GPR39: variants seen among roughly 807,000 people sequenced by gnomAD.
GPR39 encodes the protein G protein-coupled receptor 39, also known as zinc sensing receptor.
A neutral mutation model predicts 18.4 loss-of-function variants in GPR39; 23 were observed. The observed-to-expected ratio is 1.25, with a 90% CI of 0.90 to 1.77. The LOEUF is 1.77. Ranked by LOEUF, GPR39 falls within the 40% of genes most tolerant of loss-of-function variation. GPR39 has a pLI of 0.00. For synonymous variants in GPR39, 280 were observed against 257.9 expected (o/e 1.09, Z -0.82); for missense variants, 647 against 602.4 (o/e 1.07, Z -0.78).
rs114424798 is a variant in GPR39, at chr2:132,495,480, C to T, written c.856+77582C>T. On this transcript the variant is annotated intron_variant, in intron 1 of 1. Coordinates refer to ENST00000329321, the MANE Select transcript of GPR39 (RefSeq NM_001508.3). ...GTTGGACTCCTCTCTTGCTTGGCTG[C>T]TCGACTTGCCCTTACTGGCCGGGCT... 9.9e-3 allele frequency among the ~76,000 whole-genome samples: 1,515 copies of T among 152,290 alleles called. 30 individuals carry two copies. Among genetic ancestry groups the T allele is most frequent in the African/African-American group, 0.035 (1,443 of 41,548 alleles).
intron 1 of GPR39, among the ~76,000 whole-genome samples, chr2:132,643,017 T>G (rs962283836): frequency 3.3e-5 from 5 of 152,166 alleles, no homozygotes; most frequent in Admixed American, 2.0e-4. Flanking sequence ...TTAAGATGAA[T>G]TTGGAATAGC....
intron 1 of GPR39, among the ~76,000 whole-genome samples, chr2:132,520,706 T>C (rs1679410078): frequency 1.3e-5 from 2 of 151,722 alleles, no homozygotes; most frequent in Admixed American, 1.3e-4. Flanking sequence ...TTGAAGGGAG[T>C]GGGTAGAGGG....
chr2:132,637,842 C>G (rs1681791510), intron 1 of GPR39, among the ~76,000 whole-genome samples: 1 of 152,170 alleles, frequency 6.6e-6, no homozygotes, highest in Non-Finnish European at 1.5e-5. Flanking sequence ...CCCTCTCTGC[C>G]ACCTCCCTGT....
intron 1 of GPR39, among the ~76,000 whole-genome samples, chr2:132,521,628 G>C (rs924361916): frequency 3.9e-5 from 6 of 152,138 alleles, no homozygotes. Flanking sequence ...AGGTATCTCT[G>C]GTATTTGGCA....
At chr2:132,638,247 C>A (rs916620724) in intron 1 of GPR39, among the ~76,000 whole-genome samples, 2 of 152,226 alleles carry the variant, frequency 1.3e-5, no homozygotes, top group East Asian at 3.9e-4. Context: ...GAGTTTGGAG[C>A]TACCGTCTGC....
rs1022072212 is a variant in GPR39 at position 132,596,688 on chromosome 2, C to T, written c.857-48413C>T. Among the ~76,000 whole-genome samples, 5 of 152,292 alleles carry T rather than the reference C, an allele frequency of 3.3e-5. No homozygotes were observed. The South Asian group carries it at 8.3e-4, about 25-fold the overall frequency. Reference sequence around the variant, plus strand: ...TCATGTGGCCTCTACCTCTATTTTTCCACTGTCCCTTTGCCCAAATGCTTC... The same window carrying T: ...TCATGTGGCCTCTACCTCTATTTTTTCACTGTCCCTTTGCCCAAATGCTTC... On this transcript the variant is annotated intron_variant, in intron 1 of 1. Coordinates refer to ENST00000329321, the MANE Select transcript of GPR39 (RefSeq NM_001508.3).
chr2:132,614,222 A>G (rs1195311255), intron 1 of GPR39, among the ~76,000 whole-genome samples: 3 of 140,340 alleles, frequency 2.1e-5, no homozygotes, highest in South Asian at 2.3e-4. Flanking sequence ...TTTTGTTTTT[A>G]TTTTGACAGA....
intron 1 of GPR39, among the ~76,000 whole-genome samples, chr2:132,491,547 G>C (rs2104795607): frequency 6.6e-6 from 1 of 152,060 alleles, no homozygotes; most frequent in South Asian, 2.1e-4. Flanking sequence ...GGAGTGATTG[G>C]TGGCATGCAA....
chr2:132,569,126 A>G (rs1203256488), intron 1 of GPR39, among the ~76,000 whole-genome samples: 1 of 152,118 alleles, frequency 6.6e-6, no homozygotes, highest in Non-Finnish European at 1.5e-5. Flanking sequence ...GTAACTTCTT[A>G]GTAAGTGGCA....
chr2:132,426,907 G>A (rs956201668), intron 1 of GPR39, among the ~76,000 whole-genome samples: 6 of 152,018 alleles, frequency 3.9e-5, no homozygotes, highest in African/African-American at 1.4e-4. Context: ...ATGCAGAAAT[G>A]GGGGCAGGCC....
At chr2:132,592,307 G>A (rs188237396) in intron 1 of GPR39, among the ~76,000 whole-genome samples, 3 of 152,294 alleles carry the variant, frequency 2.0e-5, no homozygotes, top group Non-Finnish European at 2.9e-5. Flanking sequence ...ACCTGAAGGA[G>A]GTGAGGAAGT....
chr2:132,486,924 C>T (rs571123669), intron 1 of GPR39, among the ~76,000 whole-genome samples: 29 of 152,286 alleles, frequency 1.9e-4, no homozygotes, highest in South Asian at 4.1e-4. Flanking sequence ...ACTCGGCTTT[C>T]GACAAGCCTT....
chr2:132,605,125 A>G (rs1173329725), intron 1 of GPR39, among the ~76,000 whole-genome samples: 1 of 152,224 alleles, frequency 6.6e-6, no homozygotes, highest in Non-Finnish European at 1.5e-5. Context: ...GATAAATGGT[A>G]GAGCTGGGAC....
chr2:132,458,336 A>T lies in GPR39; in HGVS notation c.856+40438A>T, dbSNP rs185316541. ...TATTTCTATAATGTTTTTATTTTTTAAAAAAAATTCACTTATTTCCAGATT... is the reference window on the plus strand; with the variant it reads ...TATTTCTATAATGTTTTTATTTTTTTAAAAAAATTCACTTATTTCCAGATT... On this transcript the variant is annotated intron_variant, in intron 1 of 1. Coordinates refer to ENST00000329321, the MANE Select transcript of GPR39 (RefSeq NM_001508.3). 2.8e-3 allele frequency among the ~76,000 whole-genome samples: 428 copies of T among 151,110 alleles called. 4 individuals are homozygous for T. The highest frequency in any genetic ancestry group is 8.2e-3 in the African/African-American group (336 of 40,754).
At chr2:132,603,487 A>G (rs1253299171) in intron 1 of GPR39, among the ~76,000 whole-genome samples, 2 of 151,968 alleles carry the variant, frequency 1.3e-5, no homozygotes, top group Admixed American at 6.6e-5. Flanking sequence ...TTAATGATAT[A>G]TCGTATGTTT....
chr2:132,461,976 G>A (rs987115609), intron 1 of GPR39, among the ~76,000 whole-genome samples: 5 of 152,178 alleles, frequency 3.3e-5, no homozygotes, highest in Admixed American at 2.0e-4. Flanking sequence ...ATTCAGGCTG[G>A]CTGAGGCCAA....
chr2:132,593,481 A>G (rs906750748), intron 1 of GPR39, among the ~76,000 whole-genome samples: 16 of 152,272 alleles, frequency 1.1e-4, no homozygotes, highest in Admixed American at 2.6e-4. Context: ...CATGAAAACA[A>G]AGACATTGCT....
At chr2:132,452,987 C>T (rs933150582) in intron 1 of GPR39, among the ~76,000 whole-genome samples, 4 of 152,068 alleles carry the variant, frequency 2.6e-5, no homozygotes, top group African/African-American at 9.7e-5. Context: ...ATCCTTTGGG[C>T]TTATACCCAG....
chr2:132,463,756 AT>A (rs1175845589), intron 1 of GPR39, among the ~76,000 whole-genome samples: 3 of 152,158 alleles, frequency 2.0e-5, no homozygotes, highest in African/African-American at 7.2e-5. Flanking sequence ...AACAACAGTG[AT>A]TTATTATTTC....
Sources: allele counts gnomAD v4.1 joint callset (sites outside exome capture counted in the v4.1 genomes callset), GRCh38; gene constraint gnomAD v4.1.1; transcripts MANE v1.5; gene names NCBI Gene and HGNC (gene_info 2026-07-23, HGNC 2026-07-21).